Variants in GALNT17 observed in about 807,000 individuals in gnomAD.
GALNT17 encodes the protein polypeptide N-acetylgalactosaminyltransferase 17, also known as UDP-GalNAc:polypeptide N-acetylgalactosaminyltransferase-like 3.
In GALNT17, 29 loss-of-function variants were observed where a neutral mutation model predicts 63.7. The ratio of observed to expected loss-of-function variants is 0.46; its 90% CI spans 0.34 to 0.62. The LOEUF (loss-of-function observed/expected upper bound fraction) is 0.62. GALNT17 is among the 20% of genes least tolerant of loss of function. The pLI, the probability that GALNT17 is intolerant of heterozygous loss-of-function variation, is 0.01. For synonymous variants in GALNT17, 305 were observed against 318.3 expected, an observed-to-expected ratio of 0.96 and a Z score of 0.45; for missense variants, 603 against 799.6, an observed-to-expected ratio of 0.75 and a Z score of 2.97.
chr7:71,135,349 A>G (rs1787764585), intron 1 of GALNT17, among the ~76,000 whole-genome samples: 1 of 152,186 alleles, frequency 6.6e-6, no homozygotes, highest in Admixed American at 6.5e-5. Flanking sequence ...CCAGTTGAGA[A>G]ATGAGAAAAC....
intron 2 of GALNT17, among the ~76,000 whole-genome samples, chr7:71,354,644 C>T (rs1041018190): frequency 1.3e-5 from 2 of 152,050 alleles, no homozygotes; most frequent in African/African-American, 4.8e-5. Flanking sequence ...ATTTTATTTA[C>T]AACTTGTGCA....
At chr7:71,433,674 C>G (rs1312164686) in intron 5 of GALNT17, among the ~76,000 whole-genome samples, 1 of 152,158 alleles carries the variant, frequency 6.6e-6, no homozygotes, top group African/African-American at 2.4e-5. Flanking sequence ...CAGAGCAGCA[C>G]AGAGTACAGC....
At chr7:71,161,342 A>G (rs568488756) in intron 1 of GALNT17, among the ~76,000 whole-genome samples, 17 of 152,124 alleles carry the variant, frequency 1.1e-4, no homozygotes, top group Admixed American at 4.6e-4. Flanking sequence ...AATATCATTT[A>G]TTTGCATTTG....
At chr7:71,532,738 C>T (rs934522847) in intron 5 of GALNT17, among the ~76,000 whole-genome samples, 1 of 152,158 alleles carries the variant, frequency 6.6e-6, no homozygotes, top group African/African-American at 2.4e-5. Context: ...AGTTCACTCC[C>T]ATCTGCAGAC....
At chr7:71,470,378 G>A (rs867880777) in intron 5 of GALNT17, among the ~76,000 whole-genome samples, 1 of 152,136 alleles carries the variant, frequency 6.6e-6, no homozygotes, top group African/African-American at 2.4e-5. Flanking sequence ...GTGGTACAGA[G>A]GAGAAACAGC....
At chr7:71,621,490 G>A (rs1447066756) in intron 6 of GALNT17, among the ~76,000 whole-genome samples, 1 of 148,028 alleles carries the variant, frequency 6.8e-6, no homozygotes, top group Non-Finnish European at 1.5e-5. Flanking sequence ...TGAATGGATG[G>A]ATTGATGGAT....
chr7:71,617,541 C>T (rs912009031), intron 6 of GALNT17, among the ~76,000 whole-genome samples: 1 of 151,956 alleles, frequency 6.6e-6, no homozygotes, highest in Admixed American at 6.6e-5. Context: ...AGGATGGTCT[C>T]GATCTCTTGA....
chr7:71,176,503 T>A (rs1315756957), intron 1 of GALNT17, among the ~76,000 whole-genome samples: 1 of 151,862 alleles, frequency 6.6e-6, no homozygotes, highest in Non-Finnish European at 1.5e-5. Context: ...GCAGTGTGAG[T>A]GGCAGGACAG....
At chr7:71,336,032 CTTTTTTTTTTTTTTTTT>C (rs1167623885) in intron 2 of GALNT17, among the ~76,000 whole-genome samples, 1 of 21,288 alleles carries the variant, frequency 4.7e-5, no homozygotes, top group African/African-American at 1.9e-4. Context: ...TTCTTTCTTC[CTTTTTTTTTTTTTTTTT>C]TTTTTTTTTT....
At chr7:71,227,971 C>T (rs1446678937) in intron 1 of GALNT17, among the ~76,000 whole-genome samples, 1 of 152,120 alleles carries the variant, frequency 6.6e-6, no homozygotes, top group East Asian at 1.9e-4. Flanking sequence ...CAGATGCCTT[C>T]TTCCCTGGAT....
chr7:71,132,999 G>A lies in GALNT17; in HGVS notation c.197G>A (p.Arg66His). The A allele has an allele frequency of 1.3e-6, 2 of 1,599,998 alleles. No individual in the cohort carries two copies. Among genetic ancestry groups the A allele is most frequent in the Non-Finnish European group, 1.7e-6 (2 of 1,174,386 alleles). ...CCCATCCAGGATGCGGTCCTGAAGC[G>A]CCTGTCGCTGCTGGAGGACATCGTG... is the stretch of plus-strand genomic sequence containing the variant. ...ASPIQDAVLK[R>H]LSLLEDIVYR... Residue 66 changes from arginine to histidine, a missense_variant, in exon 1 of 11, where the codon CGC becomes CAC. By Grantham distance (29) the Arg-to-His change is conservative. Coordinates refer to ENST00000333538, the MANE Select transcript of GALNT17 (RefSeq NM_022479.3).
At chr7:71,168,700 C>CGTGTGTGTGT (rs1166172380) in intron 1 of GALNT17, among the ~76,000 whole-genome samples, 2 of 83,274 alleles carry the variant, frequency 2.4e-5, no homozygotes, top group African/African-American at 1.2e-4. Context: ...CACATAGTTA[C>CGTGTGTGTGT]GTGTATGTGT....
chr7:71,478,361 G>T (rs1257703543), intron 5 of GALNT17, among the ~76,000 whole-genome samples: 1 of 152,032 alleles, frequency 6.6e-6, no homozygotes, highest in Non-Finnish European at 1.5e-5. Flanking sequence ...ACCCGAGCTA[G>T]AGTGCAGTGT....
At position 71,434,797 on chromosome 7, in the gene GALNT17, C is replaced by CCT. The variant is rs1563090225; in HGVS notation, c.962+13692_962+13693insCT. ...ATGAAAAGCACTAATTATAAACTCT[C>CCT]TGGAGTTGTGGCATGGGCTGTTGTA... On this transcript the variant is annotated intron_variant, in intron 5 of 10. Coordinates refer to ENST00000333538, the MANE Select transcript of GALNT17 (RefSeq NM_022479.3). Among the ~76,000 whole-genome samples, 649 of 152,292 alleles carry CCT rather than the reference C, an allele frequency of 4.3e-3. 4 individuals carry two copies. The highest frequency in any genetic ancestry group is 0.014 in the Middle Eastern group (4 of 294).
intron 2 of GALNT17, among the ~76,000 whole-genome samples, chr7:71,336,268 C>A (rs1396530034): frequency 6.6e-6 from 1 of 152,114 alleles, no homozygotes; most frequent in Non-Finnish European, 1.5e-5. Context: ...TGATCTCGAA[C>A]TCCTGACCTC....
chr7:71,607,352 A>G lies in GALNT17; in HGVS notation c.1080+35950A>G, dbSNP rs192244144. Among the ~76,000 whole-genome samples, 1,098 of 152,346 alleles carry G rather than the reference A, an allele frequency of 7.2e-3. 8 individuals carry two copies. The highest frequency in any genetic ancestry group is 9.1e-3 in the Non-Finnish European group (622 of 68,032). On this transcript the variant is annotated intron_variant, in intron 6 of 10. Coordinates refer to ENST00000333538, the MANE Select transcript of GALNT17 (RefSeq NM_022479.3). ...TGAAAGAATATGAATAAACTTAAAA[A>G]ATCTAAAGCCTGTGAGAACATTTTG...
At chr7:71,448,701 T>C (rs1170912637) in intron 5 of GALNT17, among the ~76,000 whole-genome samples, 1 of 152,170 alleles carries the variant, frequency 6.6e-6, no homozygotes, top group African/African-American at 2.4e-5. Flanking sequence ...CTTGCAAACA[T>C]AATGTTGAAT....
chr7:71,151,282 C>T (rs1788127783), intron 1 of GALNT17, among the ~76,000 whole-genome samples: 1 of 152,100 alleles, frequency 6.6e-6, no homozygotes, highest in Non-Finnish European at 1.5e-5. Flanking sequence ...TTGGATGCCA[C>T]CTATTTCTAG....
intron 3 of GALNT17, among the ~76,000 whole-genome samples, 193 bp from the exon 4 acceptor site, chr7:71,415,696 T>C (rs1173890681): frequency 6.6e-6 from 1 of 152,200 alleles, no homozygotes; most frequent in African/African-American, 2.4e-5. Flanking sequence ...AGAAGATAGC[T>C]GTCCTGGGTG....
Sources: allele counts gnomAD v4.1 joint callset (sites outside exome capture counted in the v4.1 genomes callset), GRCh38; gene constraint gnomAD v4.1.1; transcripts MANE v1.5; gene names NCBI Gene and HGNC (gene_info 2026-07-23, HGNC 2026-07-21).